Variants in SCAP observed in about 807,000 individuals in gnomAD.
The protein encoded by SCAP is SREBF chaperone, also known as sterol regulatory element-binding protein cleavage-activating protein.
SCAP carries 65 observed loss-of-function variants against 123.6 expected under a neutral mutation model. The observed-to-expected ratio is 0.53, with a 90% confidence interval of 0.43 to 0.65. The LOEUF is 0.65. Ranked by LOEUF, SCAP falls within the 30% of genes least tolerant of loss-of-function variation. SCAP has a pLI of 0.00. For synonymous variants in SCAP, 740 were observed against 726.3 expected (o/e 1.02, Z -0.30); for missense variants, 1,398 against 1,712.5 (o/e 0.82, Z 3.24).
Position 47,418,675 on chromosome 3 carries a change from A to G in SCAP, c.2109T>C (p.His703=). Reference sequence around the variant, plus strand: ...CTTACTTGTACAGCGTGACGTCTCCATGGGCCTGCACCCCACCTGGGCCCT... The same window carrying G: ...CTTACTTGTACAGCGTGACGTCTCCGTGGGCCTGCACCCCACCTGGGCCCT... ...GPKGPGGVQA[H]GDVTLYKVAA... The change falls in exon 14 of 23, where the codon CAT becomes CAC. Residue 703 remains histidine (H), a synonymous_variant. Transcript: ENST00000265565. 1 of 1,388,912 alleles carries G rather than the reference A, an allele frequency of 7.2e-7. No individual in the cohort carries two copies. Among genetic ancestry groups the G allele is most frequent in the Non-Finnish European group, 9.5e-7 (1 of 1,053,036 alleles). 86.0% of individuals were successfully genotyped at this position (1,388,912 alleles called of 1,614,324 possible).
chr3:47,476,826 G>C (rs1227240819), upstream of SCAP: 4 of 153,876 alleles, frequency 2.6e-5, no homozygotes, highest in Admixed American at 1.3e-4. Flanking sequence ...ACTCTGGGGG[G>C]ACTTTGATCA....
At position 47,419,846 on chromosome 3, in the gene SCAP, C is replaced by G; in HGVS notation, c.1564-142G>C. 1 of 961,566 alleles carries G rather than the reference C, an allele frequency of 1.0e-6. No homozygotes were observed. The highest frequency in any genetic ancestry group is 1.4e-6 in the Non-Finnish European group (1 of 695,034). The allele number at this position is 961,566 out of a possible 1,614,324, so 59.6% of individuals were successfully genotyped here. A position where few individuals can be genotyped will look rare whatever the true frequency, so the allele number is the denominator to read the frequency against. On this transcript the variant is annotated intron_variant, in intron 12 of 22. Coordinates refer to ENST00000265565, the MANE Select transcript of SCAP (RefSeq NM_012235.4). This position sits in a 1 kb window ranked among gnomAD's most constrained non-coding sequence, Gnocchi z 5.0. ...CACAGGCCCCACTGCGTCCTTTTCT[C>G]CTGCCTCTCCAAGTCCTCCTGCTAA...
At chr3:47,429,161 A>C (rs999437102) in intron 3 of SCAP, 1 of 158,396 alleles carries the variant, frequency 6.3e-6, no homozygotes, top group Non-Finnish European at 1.4e-5. Flanking sequence ...AGGGAGACAG[A>C]TTTGAGCTGG....
chr3:47,413,773 C>CTCTT lies in SCAP; in HGVS notation c.*77_*80dup. The CTCTT allele has an allele frequency of 6.6e-7, 1 of 1,525,642 alleles. No homozygotes were observed. The highest frequency in any genetic ancestry group is 2.3e-5 in the East Asian group (1 of 43,982). 94.5% of individuals were successfully genotyped at this position (1,525,642 alleles called of 1,614,324 possible). ...GAGGCAGCGGCTGGAAGATACTCGGCTCTTTCCCCCAAGTCCAGGTTCAGT... is the reference window on the plus strand; with the variant it reads ...GAGGCAGCGGCTGGAAGATACTCGGCTCTTTCTTTCCCCCAAGTCCAGGTTCAGT... On this transcript the variant is annotated 3_prime_UTR_variant, in exon 23 of 23. Coordinates refer to ENST00000265565, the MANE Select transcript of SCAP (RefSeq NM_012235.4).
intron 1 of SCAP, among the ~76,000 whole-genome samples, chr3:47,473,685 T>G (rs1304801348): frequency 1.3e-5 from 2 of 152,196 alleles, no homozygotes; most frequent in Non-Finnish European, 2.9e-5. Flanking sequence ...CACATTCACA[T>G]GCATGGCTAG....
Position 47,425,584 on chromosome 3 carries a change from C to A in SCAP, c.938G>T (p.Trp313Leu). 1 of 1,614,140 alleles carries A rather than the reference C, an allele frequency of 6.2e-7. No homozygotes were observed. Among genetic ancestry groups the A allele is most frequent in the Non-Finnish European group, 8.5e-7 (1 of 1,180,056 alleles). Reference sequence around the variant, plus strand: ...GACCACGGCAGCCAGGGCCAGCCCCCACTTGGACTTGACCATGTCGATCTT... The same window carrying A: ...GACCACGGCAGCCAGGGCCAGCCCCAACTTGGACTTGACCATGTCGATCTT... ...TRKIDMVKSK[W>L]GLALAAVVTV... Residue 313 changes from tryptophan (W) to leucine (L), a missense_variant, in exon 8 of 23, where the codon TGG (tryptophan) becomes TTG (leucine). By Grantham distance (61) the Trp-to-Leu change is moderately conservative. Coordinates refer to ENST00000265565, the MANE Select transcript of SCAP (RefSeq NM_012235.4).
intron 3 of SCAP, among the ~76,000 whole-genome samples, chr3:47,432,667 T>A (rs988441922): frequency 1.3e-5 from 2 of 152,174 alleles, no homozygotes; most frequent in African/African-American, 4.8e-5. Context: ...TTTCCCTTTT[T>A]TAAAATTTAT....
intron 1 of SCAP, chr3:47,443,352 T>TA: frequency 5.0e-6 from 1 of 201,974 alleles, no homozygotes; most frequent in Non-Finnish European, 9.9e-6. Flanking sequence ...TAGGCAATGC[T>TA]AAAAGGCCAC....
At position 47,419,696 on chromosome 3, in the gene SCAP, G is replaced by A. The variant is rs531531524; in HGVS notation, c.1572C>T (p.Thr524=). ...ATACCAGGATGCCAATCCAGACAAC[G>A]GTGCCAGCCTGCAGTGGGGCAGGGG... ...RLAQRLIMAG[T]VVWIGILVYT... is the part of the protein sequence containing the mutation. The change falls in exon 13 of 23, where the codon ACC becomes ACT. Residue 524 remains threonine (T), a synonymous_variant. Coordinates refer to ENST00000265565, the MANE Select transcript of SCAP (RefSeq NM_012235.4). This position sits in a 1 kb window ranked among gnomAD's most constrained non-coding sequence, Gnocchi z 5.0. The A allele has an allele frequency of 6.6e-6, 10 of 1,520,866 alleles. No homozygotes were observed. Among genetic ancestry groups the A allele is most frequent in the African/African-American group, 4.2e-5 (3 of 72,136 alleles). The allele number at this position is 1,520,866 out of a possible 1,614,324, so 94.2% of individuals were successfully genotyped here.
chr3:47,441,307 A>G (rs1389327710), intron 2 of SCAP, among the ~76,000 whole-genome samples: 1 of 152,140 alleles, frequency 6.6e-6, no homozygotes, highest in Non-Finnish European at 1.5e-5. Flanking sequence ...CCATCTCTAC[A>G]AAAGACGAAA....
rs777657627 is a variant in SCAP at position 47,417,227 on chromosome 3, G to A, written c.2971-20C>T. ...CCACACCTACGAGTCCAGAGGCTGT[G>A]AGCACCTGCCAGCCAGAAAGGCCCA... On this transcript the variant is annotated intron_variant, in intron 17 of 22. Transcript: ENST00000265565. 1 of 1,612,786 alleles carries A rather than the reference G, an allele frequency of 6.2e-7. No homozygotes were observed. The highest frequency in any genetic ancestry group is 1.7e-5 in the Admixed American group (1 of 60,006).
chr3:47,456,784 CA>C (rs66613198), intron 1 of SCAP, among the ~76,000 whole-genome samples: 44 of 145,238 alleles, frequency 3.0e-4, no homozygotes, highest in Middle Eastern at 7.1e-3. Context: ...GACTCCGTCT[CA>C]AAAAAAAAAG....
At chr3:47,447,704 A>G (rs59995300) in intron 1 of SCAP, among the ~76,000 whole-genome samples, 2 of 150,856 alleles carry the variant, frequency 1.3e-5, no homozygotes, top group African/African-American at 4.9e-5. Context: ...AAAAAAGAAA[A>G]GAAAAGAAAA....
intron 10 of SCAP, 68 bp downstream of exon 10, chr3:47,422,374 G>A: frequency 7.1e-7 from 1 of 1,417,324 alleles, no homozygotes; most frequent in South Asian, 1.2e-5. Flanking sequence ...CCCTGCCCAT[G>A]GCTGCACAGC....
At chr3:47,454,361 C>G (rs545891715) in intron 1 of SCAP, among the ~76,000 whole-genome samples, 22 of 151,230 alleles carry the variant, frequency 1.5e-4, no homozygotes, top group African/African-American at 5.1e-4. Context: ...GAGTGAGACT[C>G]CGTCACAAAA....
chr3:47,417,767 C>T lies in SCAP; in HGVS notation c.2507G>A (p.Arg836Gln). Reference protein sequence around the residue: ...SGLEAQESWERLSDGGKAGPE... With the variant: ...SGLEAQESWEQLSDGGKAGPE... ...ACCAGCCTTCCCACCATCTGAAAGT[C>T]GTTCCCAGCTCTCCTGAGCCTCAAG... Residue 836 changes from arginine to glutamine, a missense_variant, in exon 17 of 23, where the codon CGA becomes CAA. Around this residue, in one of 7 missense-constraint regions of SCAP, gnomAD observed 828 missense variants for 882.5 expected, o/e 0.94. Transcript: ENST00000265565. 6.9e-6 allele frequency: 11 copies of T among 1,594,156 alleles called. No homozygotes were observed. The highest frequency in any genetic ancestry group is 1.1e-5 in the South Asian group (1 of 90,130).
In SCAP at chr3:47,475,834, C is replaced by CGGCGGCGGCGACGGG. The variant is rs1169185829; in HGVS notation, c.-149_-135dup. The CGGCGGCGGCGACGGG allele has an allele frequency of 3.7e-5, 6 of 161,074 alleles. No homozygotes were observed. The highest frequency in any genetic ancestry group is 4.8e-5 in the African/African-American group (2 of 41,522). The allele number at this position is 161,074 out of a possible 1,614,324, so 10.0% of individuals were successfully genotyped here. ...AGCACCTCCCAAGCTGCGGCGGCGG[C>CGGCGGCGGCGACGGG]GGCGGCGGCGACGGGGGCGGCAGCA... is the stretch of plus-strand genomic sequence containing the variant. On this transcript the variant is annotated 5_prime_UTR_variant, in exon 1 of 23. Coordinates refer to ENST00000265565, the MANE Select transcript of SCAP (RefSeq NM_012235.4).
intron 10 of SCAP, among the ~76,000 whole-genome samples, chr3:47,421,779 C>T (rs952191418): frequency 3.9e-5 from 6 of 152,162 alleles, no homozygotes; most frequent in Non-Finnish European, 7.3e-5. Flanking sequence ...CCTGCCAGCC[C>T]TGGGGGAAAG....
At chr3:47,469,331 G>A (rs1707950468) in intron 1 of SCAP, among the ~76,000 whole-genome samples, 1 of 152,106 alleles carries the variant, frequency 6.6e-6, no homozygotes, top group South Asian at 2.1e-4. Context: ...TGAGTGACAA[G>A]GAGACTCCGT....
Sources: gnomAD v4.1 joint callset for allele counts (sites outside exome capture counted in the v4.1 genomes callset) on GRCh38, gnomAD v4.1.1 for gene constraint, gnomAD v4.1.1 regional missense constraint, Gnocchi (gnomAD v3.1) non-coding constraint, MANE v1.5 for transcripts, NCBI Gene and HGNC (gene_info 2026-07-23, HGNC 2026-07-21) for gene names.